Variants in NOS1 observed in about 807,000 individuals in gnomAD.
NOS1 encodes the protein NOS type I.
Under a neutral mutation model 164.5 loss-of-function variants are expected in NOS1, and 51 were observed. The observed-to-expected ratio is 0.31, with a 90% CI of 0.25 to 0.39. The LOEUF is 0.39. NOS1 is among the 10% of genes least tolerant of loss of function. NOS1 has a pLI of 1.00. For missense variants in NOS1, 1,362 were observed against 1,885.6 expected (o/e 0.72, Z 5.14); for synonymous variants, 719 against 745.8 (o/e 0.96, Z 0.59).
At chr12:117,319,860 A>G (rs1314122965) in intron 2 of NOS1, among the ~76,000 whole-genome samples, 1 of 151,820 alleles carries the variant, frequency 6.6e-6, no homozygotes, top group Non-Finnish European at 1.5e-5. Context: ...TGAGCGTGCC[A>G]GCCACTGGCC....
chr12:117,336,091 T>A (rs1226660213), intron 1 of NOS1, among the ~76,000 whole-genome samples: 1 of 152,078 alleles, frequency 6.6e-6, no homozygotes. Context: ...TAGACCTGGG[T>A]CTAAGTGAGT....
intron 22 of NOS1, among the ~76,000 whole-genome samples, chr12:117,230,162 A>T (rs926174785): frequency 6.9e-6 from 1 of 144,686 alleles, no homozygotes; most frequent in Non-Finnish European, 1.5e-5. Flanking sequence ...AATCTTCCCA[A>T]CTCTGCCTCC....
At chr12:117,241,608 T>C (rs1870184178) in intron 20 of NOS1, among the ~76,000 whole-genome samples, 1 of 151,948 alleles carries the variant, frequency 6.6e-6, no homozygotes, top group Non-Finnish European at 1.5e-5. Context: ...TGAAAAAGAT[T>C]CCATTCAACA....
chr12:117,341,670 C>T (rs1230760848), intron 1 of NOS1, among the ~76,000 whole-genome samples: 2 of 152,186 alleles, frequency 1.3e-5, no homozygotes, highest in African/African-American at 4.8e-5. Context: ...CTTGCCCCTA[C>T]ATACCTGCCC....
At chr12:117,295,133 GT>G in intron 3 of NOS1, among the ~76,000 whole-genome samples, 1 of 152,194 alleles carries the variant, frequency 6.6e-6, no homozygotes, top group East Asian at 1.9e-4. Context: ...TTGGGGACTA[GT>G]ATTCTAGGAC....
chr12:117,307,053 C>T (rs1001769290), intron 3 of NOS1, among the ~76,000 whole-genome samples: 1 of 152,238 alleles, frequency 6.6e-6, no homozygotes, highest in Non-Finnish European at 1.5e-5. Flanking sequence ...TTATGCTTTG[C>T]AAGTTGGCAT....
intron 1 of NOS1, among the ~76,000 whole-genome samples, chr12:117,332,636 G>A (rs556696783): frequency 2.5e-4 from 38 of 152,162 alleles, no homozygotes; most frequent in African/African-American, 8.4e-4. Context: ...AGGCCAAGGC[G>A]GGCGGATCAC....
chr12:117,283,052 A>ATTTT (rs1566057652), intron 7 of NOS1, among the ~76,000 whole-genome samples: 2 of 67,556 alleles, frequency 3.0e-5, no homozygotes, highest in African/African-American at 1.2e-4. Context: ...ATATATATAT[A>ATTTT]TATATTTTTT....
In NOS1 at chr12:117,356,666, A is replaced by T. The variant is rs1876866435; in HGVS notation, c.-421+4846T>A. Among the ~76,000 whole-genome samples the T allele has an allele frequency of 6.6e-6, 1 of 152,212 alleles. No individual in the cohort carries two copies. Among genetic ancestry groups the T allele is most frequent in the East Asian group, 1.9e-4 (1 of 5,194 alleles). On this transcript the variant is annotated intron_variant, in intron 1 of 28. Transcript: ENST00000317775. This position sits in a 1 kb window ranked among gnomAD's most constrained non-coding sequence, Gnocchi z 4.2. ...GCTGACGTCTGCTGCCGAACAGCCC[A>T]CGATAACTGCTGTTCATCCTTAGCA...
intron 1 of NOS1, among the ~76,000 whole-genome samples, chr12:117,342,026 T>C (rs1317486027): frequency 6.6e-6 from 1 of 152,144 alleles, no homozygotes; most frequent in African/African-American, 2.4e-5. Flanking sequence ...AAACATATTA[T>C]CAGCGGTCTC....
chr12:117,212,966 TA>T lies in NOS1; in HGVS notation c.*2342del, dbSNP rs9658572. The T allele has an allele frequency of 2.5e-5, 25 of 983,484 alleles. No homozygotes were observed. In the South Asian group the frequency reaches 7.1e-4, roughly 28 times the overall value. 60.9% of individuals were successfully genotyped at this position (983,484 alleles called of 1,614,324 possible). ...TGTTGGGGATTGAAAGGTGTTTACT[TA>T]AAAAAAAATCTTTCTGGAGAAGAAG... On this transcript the variant is annotated 3_prime_UTR_variant, in exon 29 of 29. Coordinates refer to ENST00000317775, the MANE Select transcript of NOS1 (RefSeq NM_000620.5).
intron 3 of NOS1, among the ~76,000 whole-genome samples, chr12:117,307,994 A>AAACAATAATAATAAT (rs1874238273): frequency 6.7e-6 from 1 of 149,760 alleles, no homozygotes; most frequent in African/African-American, 2.4e-5. Flanking sequence ...GTCTCACAAT[A>AAACAATAATAATAAT]AATAATAATA....
chr12:117,337,554 G>A (rs1875895656), intron 1 of NOS1, among the ~76,000 whole-genome samples: 1 of 152,130 alleles, frequency 6.6e-6, no homozygotes, highest in African/African-American at 2.4e-5. Flanking sequence ...ATCTCCTCAA[G>A]AACCTACTGG....
chr12:117,318,075 G>A (rs1874749156), intron 2 of NOS1, among the ~76,000 whole-genome samples: 3 of 152,212 alleles, frequency 2.0e-5, no homozygotes, highest in African/African-American at 7.2e-5. Flanking sequence ...GGGAGGCTGA[G>A]GCAGGAGAAT....
At position 117,210,546 on chromosome 12, in the gene NOS1, T is replaced by G; in HGVS notation, c.*4763A>C. On this transcript the variant is annotated 3_prime_UTR_variant, in exon 29 of 29. Transcript: ENST00000317775. ...AACACAGGCTAGAAGTCCACAGATT[T>G]CCTAATGGCAAGAATGAAAAGGCTG... The G allele has an allele frequency of 1.0e-6, 1 of 985,416 alleles. No homozygotes were observed. Among genetic ancestry groups the G allele is most frequent in the Non-Finnish European group, 1.2e-6 (1 of 829,976 alleles). 61.0% of individuals were successfully genotyped at this position (985,416 alleles called of 1,614,324 possible).
Position 117,278,618 on chromosome 12 carries a change from C to A in NOS1, c.1525-520G>T, listed in dbSNP as rs1362348289. Among the ~76,000 whole-genome samples, 11 of 151,796 alleles carry A rather than the reference C, an allele frequency of 7.2e-5. 1 individual carries two copies. The highest frequency in any genetic ancestry group is 5.9e-4 in the Admixed American group (9 of 15,254). Reference sequence around the variant, plus strand: ...GTATAAAATGCATTTGTTAGAGCAGCTGTCCAATAAAAATATAATGCAAGC... The same window carrying A: ...GTATAAAATGCATTTGTTAGAGCAGATGTCCAATAAAAATATAATGCAAGC... On this transcript the variant is annotated intron_variant, in intron 8 of 28. Coordinates refer to ENST00000317775, the MANE Select transcript of NOS1 (RefSeq NM_000620.5).
intron 1 of NOS1, among the ~76,000 whole-genome samples, chr12:117,347,567 C>G (rs1171817006): frequency 1.3e-5 from 2 of 152,098 alleles, no homozygotes; most frequent in Non-Finnish European, 2.9e-5. Context: ...CTGTGGGACC[C>G]CTGCTAGTGA....
At chr12:117,267,455 T>C (rs12831124) in intron 11 of NOS1, among the ~76,000 whole-genome samples, 4 of 151,942 alleles carry the variant, frequency 2.6e-5, no homozygotes, top group Non-Finnish European at 5.9e-5. Flanking sequence ...GGCGCGGTGG[T>C]GGGCATCTGT....
At chr12:117,222,631 T>G in intron 26 of NOS1, 84 bp downstream of exon 26, 1 of 1,283,642 alleles carries the variant, frequency 7.8e-7, no homozygotes, top group Non-Finnish European at 1.1e-6. Flanking sequence ...AGCTTAAGAG[T>G]GAGGGTGAGG....
Sources: allele counts gnomAD v4.1 joint callset (sites outside exome capture counted in the v4.1 genomes callset), GRCh38; gene constraint gnomAD v4.1.1; non-coding constraint Gnocchi (gnomAD v3.1); transcripts MANE v1.5; gene names NCBI Gene and HGNC (gene_info 2026-07-23, HGNC 2026-07-21).